Variants in HUS1 observed in about 807,000 individuals in gnomAD.
HUS1 encodes checkpoint protein HUS1.
A neutral mutation model predicts 32.6 loss-of-function variants in HUS1; 31 were observed. The observed-to-expected ratio is 0.95, with a 90% CI of 0.72 to 1.28. The LOEUF (loss-of-function observed/expected upper bound fraction) is 1.28, where lower values mean the gene tolerates loss of function less well. Ranked by LOEUF, HUS1 falls within the 50% of genes most tolerant of loss-of-function variation. The pLI, the probability that HUS1 is intolerant of heterozygous loss-of-function variation, is 0.00. For synonymous variants in HUS1, 123 were observed against 116.6 expected, an observed-to-expected ratio of 1.06 and a Z score of -0.36; for missense variants, 340 against 337.7, an observed-to-expected ratio of 1.01 and a Z score of -0.05.
At chr7:47,969,437 CA>C (rs1455467529) in intron 5 of HUS1, 119 bp from the exon 6 acceptor site, 1 of 643,946 alleles carries the variant, frequency 1.6e-6, no homozygotes. Context: ...CAAAACACCT[CA>C]GAGCACACTG....
At chr7:47,969,469 A>G in intron 5 of HUS1, 151 bp from the exon 6 acceptor site, 3 of 605,024 alleles carry the variant, frequency 5.0e-6, no homozygotes, top group South Asian at 3.7e-5. Flanking sequence ...GCTATCAGGG[A>G]AAGTGAGAAG....
chr7:47,971,822 T>C (rs767483152), intron 5 of HUS1, among the ~76,000 whole-genome samples: 1 of 152,228 alleles, frequency 6.6e-6, no homozygotes, highest in African/African-American at 2.4e-5. Context: ...TGCACGGCTC[T>C]GTATCAGTGT....
intron 4 of HUS1, chr7:47,976,117 A>G: frequency 3.0e-6 from 1 of 338,860 alleles, no homozygotes; most frequent in East Asian, 7.4e-5. Context: ...CAGTCACTGC[A>G]TCACATCTGA....
chr7:47,971,805 C>T (rs1320030697), intron 5 of HUS1, among the ~76,000 whole-genome samples: 5 of 152,172 alleles, frequency 3.3e-5, no homozygotes, highest in Admixed American at 2.0e-4. Context: ...AGAGAAGGCA[C>T]TCTGTCTGCA....
chr7:47,970,368 A>T (rs371053680), intron 5 of HUS1, among the ~76,000 whole-genome samples: 2 of 152,236 alleles, frequency 1.3e-5, no homozygotes, highest in South Asian at 2.1e-4. Context: ...CAGCACAGGA[A>T]GTAATTAGAA....
chr7:47,965,264 C>T lies in HUS1; in HGVS notation c.*92G>A, dbSNP rs1195084994. Reference sequence around the variant, plus strand: ...AAGTACAGTGTGTCGATGTGCGGTGCTGTGAGGGCACAGACCAGTGATCAG... The same window carrying T: ...AAGTACAGTGTGTCGATGTGCGGTGTTGTGAGGGCACAGACCAGTGATCAG... On this transcript the variant is annotated 3_prime_UTR_variant, in exon 8 of 8. Coordinates refer to ENST00000258774, the MANE Select transcript of HUS1 (RefSeq NM_004507.4). 2 of 804,630 alleles carry T rather than the reference C, an allele frequency of 2.5e-6. No individual in the cohort carries two copies. Among genetic ancestry groups the T allele is most frequent in the South Asian group, 1.4e-5 (1 of 72,734 alleles). The allele number at this position is 804,630 out of a possible 1,614,324, so 49.8% of individuals were successfully genotyped here.
chr7:47,965,404 C>G lies in HUS1; in HGVS notation c.795G>C (p.Leu265=). 1 of 1,613,666 alleles carries G rather than the reference C, an allele frequency of 6.2e-7. No individual in the cohort carries two copies. Among genetic ancestry groups the G allele is most frequent in the South Asian group, 1.1e-5 (1 of 91,072 alleles). Residue 265 remains leucine (L), a synonymous_variant, in exon 8 of 8, where the codon CTG becomes CTC. Transcript: ENST00000258774. ...ACTGAAGGGACACGTCTTCATGAAG[C>G]AGATCAAAATGCACCATCTTGTTAT... ...IVNNKMVHFD[L]LHEDVSLQYF...
chr7:47,974,531 A>T (rs1554292709), intron 5 of HUS1, among the ~76,000 whole-genome samples: 1 of 152,174 alleles, frequency 6.6e-6, no homozygotes, highest in Non-Finnish European at 1.5e-5. Context: ...TTCTGCAGGG[A>T]GGGTGTGGCA....
intron 3 of HUS1, among the ~76,000 whole-genome samples, chr7:47,977,618 G>A (rs1424735426): frequency 2.0e-5 from 3 of 152,296 alleles, no homozygotes; most frequent in Admixed American, 6.5e-5. Flanking sequence ...TGGGCTGGGC[G>A]CCGTGGCTCA....
intron 4 of HUS1, 132 bp from the exon 5 acceptor site, chr7:47,975,819 G>C: frequency 7.0e-6 from 4 of 570,556 alleles, no homozygotes; most frequent in Non-Finnish European, 1.2e-5. Flanking sequence ...ACAATTTTCT[G>C]AATAAAGTTC....
rs554858622 is a variant in HUS1, at chr7:47,979,544, G to T, written c.-25C>A. 5.1e-6 allele frequency: 8 copies of T among 1,577,584 alleles called. No homozygotes were observed. The highest frequency in any genetic ancestry group is 7.0e-6 in the Non-Finnish European group (8 of 1,151,004). On this transcript the variant is annotated 5_prime_UTR_variant, in exon 1 of 8. Transcript: ENST00000258774. ...TGGCCGCGGATGGCGCAGCCGCGGC[G>T]GGCCTCTGTGGGTAACAGAAAAGCG...
intron 4 of HUS1, 25 bp downstream of exon 4, chr7:47,976,705 C>T: frequency 8.1e-7 from 1 of 1,237,490 alleles, no homozygotes. Context: ...GTGGGGTGTA[C>T]AGCAGGACTG....
Position 47,979,608 on chromosome 7 carries a change from C to T in HUS1, c.-89G>A. On this transcript the variant is annotated 5_prime_UTR_variant, in exon 1 of 8. Coordinates refer to ENST00000258774, the MANE Select transcript of HUS1 (RefSeq NM_004507.4). ...GTCCCCGCCCGGAAACACGGCAGCG[C>T]GAACAGTGGTTCCGCCCGGCTCGGG... 2 of 1,061,434 alleles carry T rather than the reference C, an allele frequency of 1.9e-6. No homozygotes were observed. The highest frequency in any genetic ancestry group is 1.5e-6 in the Non-Finnish European group (1 of 689,178). The allele number at this position is 1,061,434 out of a possible 1,614,324, so 65.8% of individuals were successfully genotyped here. A position where few individuals can be genotyped will look rare whatever the true frequency, so the allele number is the denominator to read the frequency against.
At position 47,976,759 on chromosome 7, in the gene HUS1, A is replaced by T; in HGVS notation, c.436T>A (p.Leu146Ile). ...KVIPRKLWKD[L>I]QEPVVPDPDV... ...GGATCTGGGACCACCGGTTCTTGTA[A>T]GTCCTTCCACAATTTCCTAGGAATC... is the stretch of plus-strand genomic sequence containing the variant. The change falls in exon 4 of 8, where the codon TTA becomes ATA. Residue 146 changes from leucine to isoleucine, a missense_variant. Coordinates refer to ENST00000258774, the MANE Select transcript of HUS1 (RefSeq NM_004507.4). 6.2e-7 allele frequency: 1 copy of T among 1,613,188 alleles called. No homozygotes were observed. Among genetic ancestry groups the T allele is most frequent in the Non-Finnish European group, 8.5e-7 (1 of 1,179,138 alleles).
At chr7:47,971,383 T>C in intron 5 of HUS1, 1 of 434,136 alleles carries the variant, frequency 2.3e-6, no homozygotes, top group Non-Finnish European at 4.6e-6. Context: ...TCCCCTCATA[T>C]ACCATCGGGC....
intron 5 of HUS1, 119 bp downstream of exon 5, chr7:47,975,494 A>G (rs918005175): frequency 4.1e-5 from 29 of 699,162 alleles, no homozygotes; most frequent in Non-Finnish European, 6.0e-5. Flanking sequence ...CCAGGTCCTC[A>G]TAAGTGGGAA....
In HUS1 at chr7:47,963,293, T is replaced by C. The variant is rs1319213704; in HGVS notation, c.*2063A>G. The C allele has an allele frequency of 6.6e-6, 1 of 152,200 alleles. No homozygotes were observed. Among genetic ancestry groups the C allele is most frequent in the Non-Finnish European group, 1.5e-5 (1 of 68,036 alleles). The allele number at this position is 152,200 out of a possible 1,614,324, so 9.4% of individuals were successfully genotyped here. A position where few individuals can be genotyped will look rare whatever the true frequency, so the allele number is the denominator to read the frequency against. On this transcript the variant is annotated 3_prime_UTR_variant, in exon 8 of 8. Coordinates refer to ENST00000258774, the MANE Select transcript of HUS1 (RefSeq NM_004507.4). ...CAGAAACAGACACCAACTTCTTGAA[T>C]CTCAACTAAGGTTTCTTTAGCCACA...
At chr7:47,969,389 T>TGGG in intron 5 of HUS1, 71 bp from the exon 6 acceptor site, 2 of 785,716 alleles carry the variant, frequency 2.5e-6, no homozygotes, top group South Asian at 3.0e-5. Context: ...GGGCAACAGC[T>TGGG]TTCACACAAC....
At chr7:47,978,839 G>T in intron 1 of HUS1, 23 bp from the exon 2 acceptor site, 1 of 1,610,384 alleles carries the variant, frequency 6.2e-7, no homozygotes. Context: ...TTAAAATAAG[G>T]AATTACTAAA....
Sources: gnomAD v4.1 joint callset for allele counts (sites outside exome capture counted in the v4.1 genomes callset) on GRCh38, gnomAD v4.1.1 for gene constraint, MANE v1.5 for transcripts, NCBI Gene and HGNC (gene_info 2026-07-23, HGNC 2026-07-21) for gene names.